LOX: variants seen among roughly 807,000 people sequenced by gnomAD.
LOX encodes protein-lysine 6-oxidase.
In LOX, 12 loss-of-function variants were observed where a neutral mutation model predicts 50.5. That is an observed-to-expected ratio of 0.24 (90% CI 0.15 to 0.38). The LOEUF (loss-of-function observed/expected upper bound fraction) is 0.38. Among genes scored for constraint, LOX ranks in the 10% least tolerant of loss-of-function variants. The pLI is 1.00. For synonymous variants in LOX, 254 were observed against 230.6 expected (o/e 1.10, Z -0.92); for missense variants, 504 against 563.8 (o/e 0.89, Z 1.07).
intron 6 of LOX, among the ~76,000 whole-genome samples, chr5:122,068,524 G>T (rs1251938593): frequency 6.6e-6 from 1 of 152,038 alleles, no homozygotes; most frequent in African/African-American, 2.4e-5. Context: ...TACTCAAAAT[G>T]CCTTTACTCA....
At chr5:122,076,794 A>T (rs1187278101) in intron 2 of LOX, 99 bp downstream of exon 2, 2 of 1,023,742 alleles carry the variant, frequency 2.0e-6, no homozygotes, top group Non-Finnish European at 3.0e-6. Flanking sequence ...CCCACTTCCT[A>T]ACACTTGTCT....
chr5:122,072,522 A>T (rs1452000193), intron 4 of LOX, among the ~76,000 whole-genome samples: 1 of 152,212 alleles, frequency 6.6e-6, no homozygotes, highest in African/African-American at 2.4e-5. Flanking sequence ...AATATGTAAA[A>T]GTATAAATCT....
At position 122,064,661 on chromosome 5, in the gene LOX, A is replaced by G. The variant is rs1754251232; in HGVS notation, c.*2082T>C. On this transcript the variant is annotated 3_prime_UTR_variant, in exon 7 of 7. Transcript: ENST00000231004. ...AATTTTATTCCCTAAAAATGAAATA[A>G]GATGAACCTTATGGGTAATAATGGG... 6.6e-6 allele frequency: 1 copy of G among 152,030 alleles called. No individual in the cohort carries two copies. 9.4% of individuals were successfully genotyped at this position (152,030 alleles called of 1,614,324 possible).
rs777748534 is a variant in LOX, at chr5:122,070,622, T to C, written c.1036-33A>G. 15 of 1,154,902 alleles carry C rather than the reference T, an allele frequency of 1.3e-5. No individual in the cohort carries two copies. The South Asian group carries it at 2.0e-4, about 15-fold the overall frequency. 71.5% of individuals were successfully genotyped at this position (1,154,902 alleles called of 1,614,324 possible). A position where few individuals can be genotyped will look rare whatever the true frequency, so the allele number is the denominator to read the frequency against. On this transcript the variant is annotated intron_variant, in intron 4 of 6. Transcript: ENST00000231004. ...AAACAAAATAAAAAATTTAAAATTA[T>C]GGTATGTGGTCAGACTATGATAAAT...
rs563621048 is a variant in LOX at position 122,066,101 on chromosome 5, T to C, written c.*642A>G. The C allele has an allele frequency of 1.3e-5, 2 of 152,260 alleles. No homozygotes were observed. The highest frequency in any genetic ancestry group is 6.5e-5 in the Admixed American group (1 of 15,274). The allele number at this position is 152,260 out of a possible 1,614,324, so 9.4% of individuals were successfully genotyped here. ...GTTGACTCAAGTCAAAATGAAATTG[T>C]GCACTTGAAAGAAAGGAAGTTATCT... is the stretch of plus-strand genomic sequence containing the variant. On this transcript the variant is annotated 3_prime_UTR_variant, in exon 7 of 7. Coordinates refer to ENST00000231004, the MANE Select transcript of LOX (RefSeq NM_002317.7).
chr5:122,068,929 T>TGGC (rs112806035), intron 6 of LOX, among the ~76,000 whole-genome samples: 12,220 of 152,080 alleles, frequency 0.08, 889 homozygotes, highest in African/African-American at 0.19. Flanking sequence ...AATGGTGTTC[T>TGGC]GGCGGTGGGG....
At chr5:122,066,886 A>C (rs920508427) in intron 6 of LOX, 137 bp from the exon 7 acceptor site, 1 of 635,004 alleles carries the variant, frequency 1.6e-6, no homozygotes, top group Non-Finnish European at 2.9e-6. Flanking sequence ...TCATGTTGTG[A>C]AATTATGCAG....
In LOX at chr5:122,077,283, C is replaced by G; in HGVS notation, c.631+72G>C. 1 of 1,595,352 alleles carries G rather than the reference C, an allele frequency of 6.3e-7. No individual in the cohort carries two copies. Among genetic ancestry groups the G allele is most frequent in the Non-Finnish European group, 8.5e-7 (1 of 1,171,294 alleles). Reference sequence around the variant, plus strand: ...AGGACCGGGGCCCGCCGCGCCCAGGCAGCCACGTCGAGAAGCCACATAGCT... The same window carrying G: ...AGGACCGGGGCCCGCCGCGCCCAGGGAGCCACGTCGAGAAGCCACATAGCT... On this transcript the variant is annotated intron_variant, in intron 1 of 6. Transcript: ENST00000231004. The surrounding 1 kb of genome is among the most constrained non-coding windows in gnomAD (Gnocchi z 4.9).
At chr5:122,067,386 A>G (rs911911864) in intron 6 of LOX, among the ~76,000 whole-genome samples, 11 of 152,100 alleles carry the variant, frequency 7.2e-5, no homozygotes, top group Admixed American at 3.3e-4. Flanking sequence ...TTCAGTGAGG[A>G]AAATGAAGGA....
chr5:122,074,012 C>T lies in LOX; in HGVS notation c.1035+1G>A, dbSNP rs1213452826. The T allele has an allele frequency of 6.2e-7, 1 of 1,611,692 alleles. No individual in the cohort carries two copies. The highest frequency in any genetic ancestry group is 8.5e-7 in the Non-Finnish European group (1 of 1,178,330). ...TTCTGGATTTCAGGGTGCCAACATA[C>T]CTGTGTGTGTGCAGTACATGCAAAT... On this transcript the variant is annotated splice_donor_variant, in intron 4 of 6. Coordinates refer to ENST00000231004, the MANE Select transcript of LOX (RefSeq NM_002317.7). LOFTEE classifies it high-confidence loss of function.
intron 3 of LOX, 73 bp downstream of exon 3, chr5:122,075,331 G>C: frequency 7.5e-7 from 1 of 1,341,914 alleles, no homozygotes; most frequent in East Asian, 2.4e-5. Context: ...AATAAGACTT[G>C]CATTTGTGAT....
In LOX at chr5:122,063,310, TTAAAA is replaced by T. The variant is rs1352321326; in HGVS notation, c.*3428_*3432del. On this transcript the variant is annotated 3_prime_UTR_variant, in exon 7 of 7. Coordinates refer to ENST00000231004, the MANE Select transcript of LOX (RefSeq NM_002317.7). Reference sequence around the variant, plus strand: ...GAACATAAAGCCAATGTCTGAGCATTTAAAATAAGAGTTCTTCAAAAAAGTTACAC... The same window carrying T: ...GAACATAAAGCCAATGTCTGAGCATTTAAGAGTTCTTCAAAAAAGTTACAC... The T allele has an allele frequency of 6.6e-6, 1 of 151,902 alleles. No homozygotes were observed. Among genetic ancestry groups the T allele is most frequent in the Non-Finnish European group, 1.5e-5 (1 of 67,890 alleles). 9.4% of individuals were successfully genotyped at this position (151,902 alleles called of 1,614,324 possible).
intron 4 of LOX, among the ~76,000 whole-genome samples, chr5:122,071,193 ATGTGTG>A (rs35544795): frequency 1.2e-3 from 178 of 149,922 alleles, no homozygotes; most frequent in Non-Finnish European, 2.1e-3. Flanking sequence ...AAACATTTAT[ATGTGTG>A]TGTGTGTGTG....
intron 3 of LOX, among the ~76,000 whole-genome samples, chr5:122,074,656 A>G (rs1422933332): frequency 6.6e-6 from 1 of 152,210 alleles, no homozygotes; most frequent in African/African-American, 2.4e-5. Flanking sequence ...ATCCACCATT[A>G]TTATTTAAAT....
chr5:122,065,689 A>G lies in LOX; in HGVS notation c.*1054T>C, dbSNP rs963575965. On this transcript the variant is annotated 3_prime_UTR_variant, in exon 7 of 7. Coordinates refer to ENST00000231004, the MANE Select transcript of LOX (RefSeq NM_002317.7). ...TTCTAGATAATATAAAATTTTTAAC[A>G]TTCCTCTAATAGCTGAACATCTTTT... 4.1e-4 allele frequency: 62 copies of G among 152,096 alleles called. 1 individual carries two copies. The highest frequency in any genetic ancestry group is 1.0e-4 in the Non-Finnish European group (7 of 67,998). 9.4% of individuals were successfully genotyped at this position (152,096 alleles called of 1,614,324 possible). A position where few individuals can be genotyped will look rare whatever the true frequency, so the allele number is the denominator to read the frequency against.
rs1754214047 is a variant in LOX, at chr5:122,063,306, G to A, written c.*3437C>T. The A allele has an allele frequency of 6.6e-6, 1 of 151,894 alleles. No homozygotes were observed. Among genetic ancestry groups the A allele is most frequent in the Non-Finnish European group, 1.5e-5 (1 of 67,886 alleles). The allele number at this position is 151,894 out of a possible 1,614,324, so 9.4% of individuals were successfully genotyped here. A position where few individuals can be genotyped will look rare whatever the true frequency, so the allele number is the denominator to read the frequency against. ...AGAGGAACATAAAGCCAATGTCTGAGCATTTAAAATAAGAGTTCTTCAAAA... is the reference window on the plus strand; with the variant it reads ...AGAGGAACATAAAGCCAATGTCTGAACATTTAAAATAAGAGTTCTTCAAAA... On this transcript the variant is annotated 3_prime_UTR_variant, in exon 7 of 7. Coordinates refer to ENST00000231004, the MANE Select transcript of LOX (RefSeq NM_002317.7).
At chr5:122,073,095 C>G (rs1454830085) in intron 4 of LOX, among the ~76,000 whole-genome samples, 1 of 152,192 alleles carries the variant, frequency 6.6e-6, no homozygotes, top group Non-Finnish European at 1.5e-5. Context: ...GGTCACCAAA[C>G]AGCTTCCTGC....
chr5:122,063,757 A>G lies in LOX; in HGVS notation c.*2986T>C, dbSNP rs568037903. ...ACCAGGAATTCAGTATTTTCATGCA[A>G]TCTGCTAAAGATTAACTCTCAGTGC... On this transcript the variant is annotated 3_prime_UTR_variant, in exon 7 of 7. Coordinates refer to ENST00000231004, the MANE Select transcript of LOX (RefSeq NM_002317.7). 6.6e-6 allele frequency: 1 copy of G among 152,086 alleles called. No homozygotes were observed. The highest frequency in any genetic ancestry group is 2.1e-4 in the South Asian group (1 of 4,830). The allele number at this position is 152,086 out of a possible 1,614,324, so 9.4% of individuals were successfully genotyped here. A position where few individuals can be genotyped will look rare whatever the true frequency, so the allele number is the denominator to read the frequency against.
intron 6 of LOX, among the ~76,000 whole-genome samples, chr5:122,069,218 G>A (rs754751013): frequency 1.3e-4 from 20 of 152,226 alleles, no homozygotes; most frequent in Admixed American, 4.6e-4. Context: ...CTGTCTGTAT[G>A]ATCCAGTGGC....
Sources: gnomAD v4.1 joint callset for allele counts (sites outside exome capture counted in the v4.1 genomes callset) on GRCh38, gnomAD v4.1.1 for gene constraint, Gnocchi (gnomAD v3.1) non-coding constraint, MANE v1.5 for transcripts, NCBI Gene and HGNC (gene_info 2026-07-23, HGNC 2026-07-21) for gene names.